Variants in PID1 observed in about 807,000 individuals in gnomAD.
PID1 encodes the protein PTB-containing, cubilin and LRP1-interacting protein.
A neutral mutation model predicts 19.1 loss-of-function variants in PID1; 10 were observed. That is an observed-to-expected ratio of 0.52 (90% confidence interval 0.32 to 0.89). PID1 has a LOEUF of 0.89. Ranked by LOEUF, PID1 falls within the 40% of genes least tolerant of loss-of-function variation. The probability of loss-of-function intolerance (pLI) is 0.03; values close to 1 mark genes in which losing one functional copy is unlikely to be tolerated. For synonymous variants in PID1, 130 were observed against 116.0 expected (o/e 1.12, Z -0.78); for missense variants, 248 against 285.3 (o/e 0.87, Z 0.94).
intron 2 of PID1, among the ~76,000 whole-genome samples, chr2:229,062,014 A>G (rs1030256953): frequency 6.6e-6 from 1 of 151,976 alleles, no homozygotes; most frequent in African/African-American, 2.4e-5. Context: ...GGTTTTATAC[A>G]TGTAAGATCA....
At chr2:229,092,652 G>T (rs115740536) in intron 2 of PID1, among the ~76,000 whole-genome samples, 1 of 152,026 alleles carries the variant, frequency 6.6e-6, no homozygotes, top group Non-Finnish European at 1.5e-5. Context: ...AGTGCTGACC[G>T]AGAGCTTTTG....
chr2:229,213,615 A>G (rs1691784370), intron 1 of PID1, among the ~76,000 whole-genome samples: 1 of 152,164 alleles, frequency 6.6e-6, no homozygotes, highest in Admixed American at 6.5e-5. Flanking sequence ...GTTGACCAAA[A>G]CAGTCCATTT....
intron 1 of PID1, among the ~76,000 whole-genome samples, chr2:229,263,413 A>G (rs192109574): frequency 1.3e-5 from 2 of 152,338 alleles, no homozygotes; most frequent in Admixed American, 1.3e-4. Flanking sequence ...TATTTCCCCA[A>G]GAAGCTTTAT....
At chr2:229,150,648 CAT>C (rs1211720933) in intron 2 of PID1, among the ~76,000 whole-genome samples, 4 of 152,094 alleles carry the variant, frequency 2.6e-5, no homozygotes, top group Admixed American at 2.0e-4. Context: ...AAATAAAAGA[CAT>C]ATGTTATGTG....
At chr2:229,123,918 T>C (rs1695573139) in intron 2 of PID1, among the ~76,000 whole-genome samples, 2 of 152,232 alleles carry the variant, frequency 1.3e-5, no homozygotes, top group South Asian at 4.1e-4. Context: ...AAGTTCCTTA[T>C]TAGCTACATT....
chr2:229,155,966 T>C lies in PID1; in HGVS notation c.31-2A>G. The C allele has an allele frequency of 6.2e-7, 1 of 1,611,604 alleles. No homozygotes were observed. Among genetic ancestry groups the C allele is most frequent in the Non-Finnish European group, 8.5e-7 (1 of 1,179,334 alleles). On this transcript the variant is annotated splice_acceptor_variant, in intron 1 of 2. Coordinates refer to ENST00000392055, the MANE Select transcript of PID1 (RefSeq NM_001100818.2). LOFTEE classifies it high-confidence loss of function. Reference sequence around the variant, plus strand: ...AGACTTCAGCATGGTCTGAAAGTGCTGAAAAGCAGAAAAATAAGCCACATG... The same window carrying C: ...AGACTTCAGCATGGTCTGAAAGTGCCGAAAAGCAGAAAAATAAGCCACATG...
intron 2 of PID1, among the ~76,000 whole-genome samples, chr2:229,113,201 C>T (rs745708569): frequency 2.0e-5 from 3 of 151,826 alleles, no homozygotes; most frequent in Non-Finnish European, 2.9e-5. Flanking sequence ...CAAGTTACCG[C>T]GAACTCCTCA....
intron 1 of PID1, among the ~76,000 whole-genome samples, chr2:229,254,286 AC>A (rs1304510101): frequency 5.3e-5 from 8 of 152,238 alleles, no homozygotes; most frequent in African/African-American, 9.6e-5. Context: ...AAAAACAAAA[AC>A]AAAAACAAAA....
intron 1 of PID1, among the ~76,000 whole-genome samples, chr2:229,243,234 C>G (rs1689920487): frequency 6.6e-6 from 1 of 152,054 alleles, no homozygotes; most frequent in African/African-American, 2.4e-5. Flanking sequence ...ATCATGAGAA[C>G]AGCATGGGAA....
intron 1 of PID1, among the ~76,000 whole-genome samples, chr2:229,240,963 C>T (rs540220949): frequency 6.6e-6 from 1 of 152,082 alleles, no homozygotes; most frequent in South Asian, 2.1e-4. Flanking sequence ...CTGGCCTTTT[C>T]TTCTTTCTTC....
Position 229,085,299 on chromosome 2 carries a change from G to A in PID1, c.178-59191C>T, listed in dbSNP as rs141224252. Reference sequence around the variant, plus strand: ...GGGAAACTTAATCACACAATTTGATGTGACTCCCTTGGTCTTTCAAGAAGT... The same window carrying A: ...GGGAAACTTAATCACACAATTTGATATGACTCCCTTGGTCTTTCAAGAAGT... On this transcript the variant is annotated intron_variant, in intron 2 of 2. Transcript: ENST00000392055. Among the ~76,000 whole-genome samples the A allele has an allele frequency of 7.0e-3, 1,058 of 151,204 alleles. 18 individuals are homozygous for A. Among genetic ancestry groups the A allele is most frequent in the African/African-American group, 0.025 (1,012 of 41,200 alleles).
At chr2:229,162,395 A>G (rs1448166866) in intron 1 of PID1, among the ~76,000 whole-genome samples, 2 of 152,220 alleles carry the variant, frequency 1.3e-5, no homozygotes, top group Non-Finnish European at 2.9e-5. Flanking sequence ...ACATCTTTGG[A>G]AGGCAAAGCC....
chr2:229,104,386 T>C (rs536996270), intron 2 of PID1, among the ~76,000 whole-genome samples: 2 of 152,366 alleles, frequency 1.3e-5, no homozygotes, highest in South Asian at 2.1e-4. Flanking sequence ...GAATTGACTT[T>C]GTGGTAGAAA....
At chr2:229,150,853 CTT>C (rs35107592) in intron 2 of PID1, among the ~76,000 whole-genome samples, 13 of 137,462 alleles carry the variant, frequency 9.5e-5, no homozygotes, top group African/African-American at 1.3e-4. Flanking sequence ...TGTAGAGTGC[CTT>C]TTTTTTTTTT....
In PID1 at chr2:229,155,929, G is replaced by C. The variant is rs770504471; in HGVS notation, c.66C>G (p.Val22=). 6.2e-7 allele frequency: 1 copy of C among 1,613,974 alleles called. No homozygotes were observed. Among genetic ancestry groups the C allele is most frequent in the Non-Finnish European group, 8.5e-7 (1 of 1,179,980 alleles). The change falls in exon 2 of 3, where the codon GTC becomes GTG. Residue 22 remains valine, a synonymous_variant. Transcript: ENST00000392055. The stretch of plus-strand genomic sequence containing the variant: ...GGAGAGGTTCCTTTTTCAGTGTTAA[G>C]ACATTCAATTTAGACTTCAGCATGG... ...FQTMLKSKLN[V]LTLKKEPLPA...
At chr2:229,028,015 G>C (rs555408674) in intron 2 of PID1, among the ~76,000 whole-genome samples, 1 of 152,244 alleles carries the variant, frequency 6.6e-6, no homozygotes, top group Admixed American at 6.5e-5. Flanking sequence ...CTGACTGATA[G>C]CAGAGACACA....
At chr2:229,037,569 G>A (rs1574574303) in intron 2 of PID1, among the ~76,000 whole-genome samples, 1 of 152,168 alleles carries the variant, frequency 6.6e-6, no homozygotes, top group African/African-American at 2.4e-5. Context: ...CATTGTCACT[G>A]TCAAAGACAG....
At chr2:229,041,968 G>T (rs947022812) in intron 2 of PID1, among the ~76,000 whole-genome samples, 1 of 152,154 alleles carries the variant, frequency 6.6e-6, no homozygotes, top group Admixed American at 6.5e-5. Context: ...TTGATATAAA[G>T]TACAATAGTT....
At chr2:229,115,451 A>C (rs895607818) in intron 2 of PID1, among the ~76,000 whole-genome samples, 12 of 151,922 alleles carry the variant, frequency 7.9e-5, no homozygotes, top group African/African-American at 2.9e-4. Flanking sequence ...AGGAAAAAGA[A>C]AAAATGAAGA....
Sources: allele counts gnomAD v4.1 joint callset (sites outside exome capture counted in the v4.1 genomes callset), GRCh38; gene constraint gnomAD v4.1.1; transcripts MANE v1.5; gene names NCBI Gene and HGNC (gene_info 2026-07-23, HGNC 2026-07-21).